WRN: variants seen among roughly 807,000 people sequenced by gnomAD.
WRN encodes the protein bifunctional 3'-5' exonuclease/ATP-dependent helicase WRN.
Under a neutral mutation model 180.7 loss-of-function variants are expected in WRN, and 149 were observed. The ratio of observed to expected loss-of-function variants is 0.82; its 90% CI spans 0.72 to 0.94. The LOEUF is 0.94. Ranked by LOEUF, WRN falls within the 40% of genes least tolerant of loss-of-function variation. The pLI, the probability that WRN is intolerant of heterozygous loss-of-function variation, is 0.00. For synonymous variants in WRN, 548 were observed against 568.9 expected (o/e 0.96, Z 0.52); for missense variants, 1,661 against 1,700.1 (o/e 0.98, Z 0.40).
intron 1 of WRN, among the ~76,000 whole-genome samples, chr8:31,037,689 G>A (rs186538671): frequency 6.6e-6 from 1 of 152,188 alleles, no homozygotes; most frequent in Non-Finnish European, 1.5e-5. Context: ...TCAAAAATCA[G>A]TTGGCTATAA....
chr8:31,053,263 G>C (rs1183056965), intron 1 of WRN, among the ~76,000 whole-genome samples: 1 of 152,174 alleles, frequency 6.6e-6, no homozygotes, highest in Non-Finnish European at 1.5e-5. Flanking sequence ...TTTGGGACAG[G>C]TAATGACAGG....
intron 18 of WRN, among the ~76,000 whole-genome samples, chr8:31,106,333 C>G (rs1563354820): frequency 6.6e-6 from 1 of 151,980 alleles, no homozygotes; most frequent in Non-Finnish European, 1.5e-5. Context: ...AAAATGAAGT[C>G]TGATAGATCA....
At chr8:31,116,083 CAAAT>C (rs1343842109) in intron 19 of WRN, among the ~76,000 whole-genome samples, 4 of 152,128 alleles carry the variant, frequency 2.6e-5, no homozygotes, top group Non-Finnish European at 1.5e-5. Flanking sequence ...TCAGCTAAAA[CAAAT>C]AAATTTGTTT....
intron 7 of WRN, among the ~76,000 whole-genome samples, chr8:31,071,739 C>T (rs1250009554): frequency 1.1e-4 from 17 of 152,162 alleles, no homozygotes; most frequent in Admixed American, 5.2e-4. Flanking sequence ...ACCTCAGCCT[C>T]CCAAAGTGCT....
intron 31 of WRN, among the ~76,000 whole-genome samples, chr8:31,151,901 AT>A (rs11392929): frequency 0.097 from 14,687 of 150,676 alleles, 768 homozygotes; most frequent in Non-Finnish European, 0.11. Context: ...TTAGCCTTTT[AT>A]TTTTTTTTTA....
chr8:31,077,603 A>G (rs909558859), intron 8 of WRN, among the ~76,000 whole-genome samples: 4 of 152,126 alleles, frequency 2.6e-5, no homozygotes, highest in Non-Finnish European at 4.4e-5. Flanking sequence ...TCATGTATAC[A>G]TTTTTCCCTC....
At chr8:31,151,596 C>A (rs895107446) in intron 31 of WRN, among the ~76,000 whole-genome samples, 2 of 152,054 alleles carry the variant, frequency 1.3e-5, no homozygotes, top group Admixed American at 6.5e-5. Context: ...TGAGTAAGTT[C>A]CCTCTCTTTG....
chr8:31,141,200 A>G (rs1018498917), intron 24 of WRN, among the ~76,000 whole-genome samples: 8 of 152,186 alleles, frequency 5.3e-5, no homozygotes, highest in South Asian at 2.1e-4. Context: ...CATCTGAATT[A>G]TATGTGAAAT....
chr8:31,054,344 A>C (rs542205650), intron 1 of WRN, among the ~76,000 whole-genome samples: 1 of 152,336 alleles, frequency 6.6e-6, no homozygotes, highest in South Asian at 2.1e-4. Flanking sequence ...TTTCGTTTCC[A>C]TACTGAAAGA....
chr8:31,093,037 T>G (rs1220877745), intron 16 of WRN, among the ~76,000 whole-genome samples: 1 of 152,118 alleles, frequency 6.6e-6, no homozygotes, highest in Non-Finnish European at 1.5e-5. Context: ...CTCTAACTAC[T>G]GGGCTCAAGC....
intron 13 of WRN, 93 bp downstream of exon 13, chr8:31,089,058 C>A: frequency 3.0e-6 from 3 of 1,015,604 alleles, no homozygotes; most frequent in Non-Finnish European, 4.5e-6. Context: ...ACAGCAACAG[C>A]ACAACTTCAC....
intron 30 of WRN, 106 bp downstream of exon 30, chr8:31,147,582 G>A (rs918986115): frequency 4.8e-6 from 5 of 1,046,346 alleles, no homozygotes; most frequent in Non-Finnish European, 7.2e-6. Context: ...GTCACATCTG[G>A]GAGGTGACTC....
intron 33 of WRN, among the ~76,000 whole-genome samples, chr8:31,166,062 CT>C (rs1278129979): frequency 6.6e-6 from 1 of 151,652 alleles, no homozygotes; most frequent in Non-Finnish European, 1.5e-5. Flanking sequence ...TTGTTTTTTG[CT>C]TTTTAACTGC....
chr8:31,069,831 A>G (rs1812840364), intron 7 of WRN, among the ~76,000 whole-genome samples: 1 of 152,136 alleles, frequency 6.6e-6, no homozygotes, highest in South Asian at 2.1e-4. Flanking sequence ...CTAAAATTCA[A>G]CAGGGGAGAG....
intron 34 of WRN, among the ~76,000 whole-genome samples, chr8:31,171,804 A>G (rs1804111669): frequency 6.6e-6 from 1 of 152,210 alleles, no homozygotes; most frequent in Non-Finnish European, 1.5e-5. Flanking sequence ...ATATAATCAA[A>G]CATAGCAAGC....
At chr8:31,074,415 C>T (rs1002027982) in intron 7 of WRN, among the ~76,000 whole-genome samples, 4 of 152,112 alleles carry the variant, frequency 2.6e-5, no homozygotes, top group South Asian at 2.1e-4. Flanking sequence ...AGTGGGAAGA[C>T]GTAATTCTCT....
At chr8:31,080,640 A>G (rs1008815896) in intron 8 of WRN, among the ~76,000 whole-genome samples, 1 of 152,102 alleles carries the variant, frequency 6.6e-6, no homozygotes, top group Non-Finnish European at 1.5e-5. Flanking sequence ...ACTGACTCTT[A>G]GTAAACATAC....
intron 23 of WRN, among the ~76,000 whole-genome samples, chr8:31,126,234 A>G (rs926528638): frequency 6.6e-6 from 1 of 152,164 alleles, no homozygotes; most frequent in Non-Finnish European, 1.5e-5. Context: ...ATTCATGAAC[A>G]TGGATCATAT....
chr8:31,166,883 A>G, intron 33 of WRN, 139 bp from the exon 34 acceptor site: 1 of 766,956 alleles, frequency 1.3e-6, no homozygotes. Flanking sequence ...GTAAGGCTAT[A>G]GGCATTTGAA....
Sources: gnomAD v4.1 joint callset for allele counts (sites outside exome capture counted in the v4.1 genomes callset) on GRCh38, gnomAD v4.1.1 for gene constraint, MANE v1.5 for transcripts, NCBI Gene and HGNC (gene_info 2026-07-23, HGNC 2026-07-21) for gene names.